TMEM132C: variants seen among roughly 807,000 people sequenced by gnomAD.
TMEM132C encodes transmembrane protein 132C.
TMEM132C carries 29 observed loss-of-function variants against 61.4 expected under a neutral mutation model. That is an observed-to-expected ratio of 0.47 (90% CI 0.35 to 0.64). The LOEUF is 0.64. Among genes scored for constraint, TMEM132C ranks in the 30% least tolerant of loss-of-function variants. TMEM132C has a pLI of 0.00. For synonymous variants in TMEM132C, 656 were observed against 633.1 expected (o/e 1.04, Z -0.54); for missense variants, 1,408 against 1,476.9 (o/e 0.95, Z 0.76).
intron 3 of TMEM132C, among the ~76,000 whole-genome samples, chr12:128,574,773 G>C (rs1421504995): frequency 6.6e-6 from 1 of 152,184 alleles, no homozygotes; most frequent in Non-Finnish European, 1.5e-5. Flanking sequence ...CATAAAGAAA[G>C]GGCCTGGTGC....
chr12:128,459,168 G>C (rs533670794), intron 2 of TMEM132C, among the ~76,000 whole-genome samples: 7 of 152,184 alleles, frequency 4.6e-5, no homozygotes, highest in Non-Finnish European at 1.5e-5. Flanking sequence ...TAGTGGAGGC[G>C]GAGGTAAGCA....
rs1420982801 is a variant in TMEM132C, at chr12:128,427,385, GGGGTGTGTGTGTGT to G, written c.974+11767_974+11780del. On this transcript the variant is annotated intron_variant, in intron 2 of 8. Transcript: ENST00000435159. ...AGTCCTTTTAGTTTCTACTTCCAAA[GGGGTGTGTGTGTGT>G]GTGTGTGTGTGTGTGTGTGTGTGTG... Among the ~76,000 whole-genome samples the G allele has an allele frequency of 3.0e-3, 307 of 100,772 alleles. 1 individual carries two copies. The highest frequency in any genetic ancestry group is 0.011 in the African/African-American group (279 of 25,152). 66.1% of individuals were successfully genotyped at this position (100,772 alleles called of 152,430 possible).
intron 1 of TMEM132C, among the ~76,000 whole-genome samples, chr12:128,408,868 C>T (rs932764795): frequency 1.3e-5 from 2 of 152,116 alleles, no homozygotes; most frequent in Non-Finnish European, 2.9e-5. Flanking sequence ...TTGATCTGCT[C>T]GCCAGTGTCC....
At chr12:128,391,223 C>G (rs887092597) in intron 1 of TMEM132C, among the ~76,000 whole-genome samples, 2 of 152,206 alleles carry the variant, frequency 1.3e-5, no homozygotes, top group African/African-American at 4.8e-5. Flanking sequence ...AATCCTAACT[C>G]CACTCTGGCG....
intron 1 of TMEM132C, among the ~76,000 whole-genome samples, chr12:128,368,901 C>T (rs528538614): frequency 1.3e-5 from 2 of 152,252 alleles, no homozygotes; most frequent in African/African-American, 4.8e-5. Context: ...GAACTGAACT[C>T]GCCCCTGAGA....
intron 1 of TMEM132C, among the ~76,000 whole-genome samples, chr12:128,318,469 G>A (rs866475373): frequency 6.6e-6 from 1 of 152,152 alleles, no homozygotes; most frequent in Non-Finnish European, 1.5e-5. Context: ...CTTGCTAAAG[G>A]CTTTTGCACG....
intron 3 of TMEM132C, among the ~76,000 whole-genome samples, chr12:128,547,984 A>G (rs1874019602): frequency 6.6e-6 from 1 of 151,782 alleles, no homozygotes; most frequent in South Asian, 2.1e-4. Flanking sequence ...ACCCCTGTTG[A>G]TCCCCCATGA....
chr12:128,701,526 T>C (rs1285683971), intron 8 of TMEM132C, among the ~76,000 whole-genome samples: 2 of 152,252 alleles, frequency 1.3e-5, no homozygotes, highest in African/African-American at 4.8e-5. Context: ...AGAATTCTTT[T>C]TTTAATTGCT....
intron 3 of TMEM132C, among the ~76,000 whole-genome samples, chr12:128,588,085 A>C (rs1875616010): frequency 6.6e-6 from 1 of 152,216 alleles, no homozygotes; most frequent in South Asian, 2.1e-4. Context: ...TTTTAAGATG[A>C]GGAAATGATT....
Position 128,347,395 on chromosome 12 carries a change from A to C in TMEM132C, c.86-67337A>C, listed in dbSNP as rs544982354. On this transcript the variant is annotated intron_variant, in intron 1 of 8. Transcript: ENST00000435159. ...TATGCTGCCATAAGCATGCATATGT[A>C]TGTCTCTCTCTCTCTCTCTCTCTCT... Among the ~76,000 whole-genome samples, 638 of 108,254 alleles carry C rather than the reference A, an allele frequency of 5.9e-3. 5 individuals are homozygous for C. Among genetic ancestry groups the C allele is most frequent in the African/African-American group, 0.029 (597 of 20,492 alleles). The allele number at this position is 108,254 out of a possible 152,430, so 71.0% of individuals were successfully genotyped here.
chr12:128,545,435 G>C (rs1352743770), intron 3 of TMEM132C, among the ~76,000 whole-genome samples: 2 of 152,228 alleles, frequency 1.3e-5, no homozygotes, highest in Non-Finnish European at 2.9e-5. Context: ...ATGAGTGCGT[G>C]TGTCTTTTTG....
At chr12:128,576,673 A>C (rs534065611) in intron 3 of TMEM132C, among the ~76,000 whole-genome samples, 3 of 152,360 alleles carry the variant, frequency 2.0e-5, no homozygotes, top group South Asian at 4.1e-4. Context: ...TGTGTTACAC[A>C]TGTGAAAATT....
At position 128,277,625 on chromosome 12, in the gene TMEM132C, C is replaced by T. The variant is rs182910927; in HGVS notation, c.85+10138C>T. Among the ~76,000 whole-genome samples, 37 of 152,306 alleles carry T rather than the reference C, an allele frequency of 2.4e-4. No individual in the cohort carries two copies. In the Middle Eastern group the frequency reaches 0.01, roughly 42 times the overall value. ...CTAAGATAGAAGGTGTGATGATGCCCAAACACAGGTGGAGCTGTTTCAGAA... is the reference window on the plus strand; with the variant it reads ...CTAAGATAGAAGGTGTGATGATGCCTAAACACAGGTGGAGCTGTTTCAGAA... On this transcript the variant is annotated intron_variant, in intron 1 of 8. Transcript: ENST00000435159.
intron 3 of TMEM132C, among the ~76,000 whole-genome samples, chr12:128,574,452 C>G (rs1875018960): frequency 1.3e-5 from 2 of 152,236 alleles, no homozygotes; most frequent in Non-Finnish European, 2.9e-5. Flanking sequence ...GAAACCAAGG[C>G]TGGAGCAGGT....
Position 128,609,388 on chromosome 12 carries a change from C to G in TMEM132C, c.1122-6764C>G, listed in dbSNP as rs183856421. 2.1e-3 allele frequency among the ~76,000 whole-genome samples: 312 copies of G among 151,434 alleles called. 3 individuals are homozygous for G. The highest frequency in any genetic ancestry group is 6.8e-3 in the African/African-American group (278 of 41,112). On this transcript the variant is annotated intron_variant, in intron 3 of 8. Transcript: ENST00000435159. ...CAAGTAGCTGGCACCACAGACTGCA[C>G]CACCACCCTGGCTAATTTTTAGTTT...
chr12:128,355,896 C>A (rs1185341871), intron 1 of TMEM132C, among the ~76,000 whole-genome samples: 2 of 152,094 alleles, frequency 1.3e-5, no homozygotes, highest in African/African-American at 4.8e-5. Flanking sequence ...ATTGCAGCCC[C>A]CTGGCACTCT....
intron 4 of TMEM132C, among the ~76,000 whole-genome samples, chr12:128,623,299 G>GGA (rs1408152978): frequency 1.3e-5 from 2 of 152,058 alleles, no homozygotes; most frequent in Admixed American, 1.3e-4. Flanking sequence ...CCAAGTTTAG[G>GGA]CTTTCATTAT....
chr12:128,482,883 C>T (rs1718261964), intron 2 of TMEM132C, among the ~76,000 whole-genome samples: 1 of 152,018 alleles, frequency 6.6e-6, no homozygotes, highest in Non-Finnish European at 1.5e-5. Context: ...CAGCACATCC[C>T]TGGGTGAGTG....
At chr12:128,546,562 G>A (rs1593095108) in intron 3 of TMEM132C, among the ~76,000 whole-genome samples, 1 of 152,150 alleles carries the variant, frequency 6.6e-6, no homozygotes, top group East Asian at 1.9e-4. Context: ...AGTTTCCACA[G>A]TCAGCCATCC....
Sources: gnomAD v4.1 joint callset for allele counts (sites outside exome capture counted in the v4.1 genomes callset) on GRCh38, gnomAD v4.1.1 for gene constraint, MANE v1.5 for transcripts, NCBI Gene and HGNC (gene_info 2026-07-23, HGNC 2026-07-21) for gene names.